The following RHOBTB2 variants were observed in gnomAD, a reference collection of about 807,000 sequenced individuals.
RHOBTB2 encodes Rho related BTB domain containing 2.
A neutral mutation model predicts 66.5 loss-of-function variants in RHOBTB2; 39 were observed. That is an observed-to-expected ratio of 0.59 (90% CI 0.45 to 0.77). The LOEUF is 0.77. Among genes scored for constraint, RHOBTB2 ranks in the 30% least tolerant of loss-of-function variants. The pLI, the probability that RHOBTB2 is intolerant of heterozygous loss-of-function variation, is 0.00. For synonymous variants in RHOBTB2, 390 were observed against 395.0 expected, an observed-to-expected ratio of 0.99 and a Z score of 0.15; for missense variants, 755 against 999.1, an observed-to-expected ratio of 0.76 and a Z score of 3.29.
chr8:22,961,334 T>C, the RHOBTB2 span, among the ~76,000 whole-genome samples: 1 of 152,108 alleles, frequency 6.6e-6, no homozygotes, highest in Non-Finnish European at 1.5e-5. Flanking sequence ...AATCAGACCA[T>C]GTTCAAATGA....
intron 7 of RHOBTB2, among the ~76,000 whole-genome samples, chr8:23,011,178 C>T (rs1317153044): frequency 2.0e-5 from 3 of 152,282 alleles, no homozygotes; most frequent in Non-Finnish European, 4.4e-5. Context: ...TGCTTGAACC[C>T]GGGAGGTGGA....
chr8:22,972,811 G>A, the RHOBTB2 span, among the ~76,000 whole-genome samples: 6 of 152,184 alleles, frequency 3.9e-5, no homozygotes, highest in African/African-American at 1.4e-4. Context: ...CAGTTCCCCT[G>A]TTCTGTCAGG....
In RHOBTB2 at chr8:23,004,244, T is replaced by G. The variant is rs1939449200; in HGVS notation, c.-10-181T>G. The G allele has an allele frequency of 4.8e-6, 3 of 621,510 alleles. No homozygotes were observed. Among genetic ancestry groups the G allele is most frequent in the Non-Finnish European group, 8.7e-6 (3 of 346,652 alleles). The allele number at this position is 621,510 out of a possible 1,614,324, so 38.5% of individuals were successfully genotyped here. On this transcript the variant is annotated intron_variant, in intron 1 of 9. Transcript: ENST00000251822. This position sits in a 1 kb window ranked among gnomAD's most constrained non-coding sequence, Gnocchi z 6.4. Reference sequence around the variant, plus strand: ...ACTGCTCCTCTCAGCCTGAATGGGCTCCTGGCCCCTTGGACCCTCGCAGAG... The same window carrying G: ...ACTGCTCCTCTCAGCCTGAATGGGCGCCTGGCCCCTTGGACCCTCGCAGAG...
At chr8:22,961,068 T>A in the RHOBTB2 span, among the ~76,000 whole-genome samples, 3 of 152,118 alleles carry the variant, frequency 2.0e-5, no homozygotes, top group Non-Finnish European at 2.9e-5. Context: ...CTAACTTTTT[T>A]AAATTAGTTT....
Position 22,994,525 on chromosome 8 carries a change from T to C in RHOBTB2, c.-23-36T>C, listed in dbSNP as rs557631370. The C allele has an allele frequency of 7.7e-5, 103 of 1,331,080 alleles. No homozygotes were observed. The African/African-American group carries it at 1.3e-3, about 16-fold the overall frequency. 82.5% of individuals were successfully genotyped at this position (1,331,080 alleles called of 1,614,324 possible). On this transcript the variant is annotated intron_variant, in intron 2 of 11. Transcript: ENST00000519685. The stretch of plus-strand genomic sequence containing the variant: ...TTCCCTTTCTCCCCTCTGTCTCCCC[T>C]GCCCCGCCCCATCCACTCCTGTTCC...
chr8:22,961,455 C>T, the RHOBTB2 span, among the ~76,000 whole-genome samples: 3 of 152,158 alleles, frequency 2.0e-5, no homozygotes, highest in African/African-American at 7.2e-5. Context: ...GTTCTCTGAA[C>T]CTCTGCTGGC....
chr8:23,000,812 G>A (rs1041210707), intron 1 of RHOBTB2, among the ~76,000 whole-genome samples: 3 of 152,158 alleles, frequency 2.0e-5, no homozygotes, highest in Non-Finnish European at 4.4e-5. Context: ...TCATTTTCAG[G>A]ATTTTCCTCC....
At chr8:22,959,734 CT>C in the RHOBTB2 span, among the ~76,000 whole-genome samples, 1 of 152,232 alleles carries the variant, frequency 6.6e-6, no homozygotes, top group South Asian at 2.1e-4. Context: ...GCTCTACCCC[CT>C]GTGGTTACCT....
At position 23,017,056 on chromosome 8, in the gene RHOBTB2, C is replaced by A. The variant is rs1015325759; in HGVS notation, c.1967-196C>A. Among the ~76,000 whole-genome samples the A allele has an allele frequency of 6.6e-6, 1 of 152,198 alleles. No individual in the cohort carries two copies. The highest frequency in any genetic ancestry group is 2.4e-5 in the African/African-American group (1 of 41,446). On this transcript the variant is annotated intron_variant, in intron 9 of 9. Coordinates refer to ENST00000251822, the MANE Select transcript of RHOBTB2 (RefSeq NM_015178.3). This position sits in a 1 kb window ranked among gnomAD's most constrained non-coding sequence, Gnocchi z 5.3. Reference sequence around the variant, plus strand: ...AAAGGAACCCAGCTGGAAAGGCCTTCCCCAGTGCTGACTTTCAGCCCTGCT... The same window carrying A: ...AAAGGAACCCAGCTGGAAAGGCCTTACCCAGTGCTGACTTTCAGCCCTGCT...
intron 2 of RHOBTB2, among the ~76,000 whole-genome samples, chr8:23,005,138 C>G (rs575462813): frequency 2.0e-5 from 3 of 152,232 alleles, no homozygotes; most frequent in Middle Eastern, 3.4e-3. Flanking sequence ...CTTCCACCTG[C>G]TTAGGGTCTC....
intron 2 of RHOBTB2, among the ~76,000 whole-genome samples, chr8:22,993,130 A>G (rs1810464731): frequency 6.6e-6 from 1 of 152,166 alleles, no homozygotes; most frequent in African/African-American, 2.4e-5. Context: ...CAAGGTGCGC[A>G]TGGGATTTAT....
Position 23,004,392 on chromosome 8 carries a change from T to G in RHOBTB2, c.-10-33T>G, listed in dbSNP as rs755005112. The G allele has an allele frequency of 6.3e-7, 1 of 1,593,640 alleles. No homozygotes were observed. The highest frequency in any genetic ancestry group is 8.6e-7 in the Non-Finnish European group (1 of 1,161,792). ...TGGCCCACGGCGAGCTGGCATGCCATGCCGTCCTGACCGCCTCCCTCCTCT... is the reference window on the plus strand; with the variant it reads ...TGGCCCACGGCGAGCTGGCATGCCAGGCCGTCCTGACCGCCTCCCTCCTCT... On this transcript the variant is annotated intron_variant, in intron 1 of 9. Coordinates refer to ENST00000251822, the MANE Select transcript of RHOBTB2 (RefSeq NM_015178.3). This position sits in a 1 kb window ranked among gnomAD's most constrained non-coding sequence, Gnocchi z 6.4.
At chr8:22,984,510 C>T (rs1810259839), upstream of RHOBTB2, 1 of 152,230 alleles carries the variant, frequency 6.6e-6, no homozygotes, top group African/African-American at 2.4e-5. Flanking sequence ...CAGAAGGAGA[C>T]ATGAGGCATA....
chr8:22,992,080 T>C (rs1468800328), exon 2 of RHOBTB2: 2 of 152,246 alleles, frequency 1.3e-5, no homozygotes, highest in Admixed American at 6.5e-5. Flanking sequence ...AACAAGAATA[T>C]GCACGCGCAG....
the RHOBTB2 span, among the ~76,000 whole-genome samples, chr8:22,975,939 A>C: frequency 6.6e-6 from 1 of 152,032 alleles, no homozygotes; most frequent in African/African-American, 2.4e-5. Flanking sequence ...TGAGGTCAGG[A>C]GTTCGGGACC....
At chr8:23,005,687 G>A (rs1375877326) in intron 3 of RHOBTB2, among the ~76,000 whole-genome samples, 1 of 152,206 alleles carries the variant, frequency 6.6e-6, no homozygotes, top group Non-Finnish European at 1.5e-5. Flanking sequence ...CCAGCTCTGT[G>A]CCTAGTAGCT....
intron 5 of RHOBTB2, 64 bp from the exon 6 acceptor site, chr8:23,007,929 T>TC: frequency 6.5e-7 from 1 of 1,534,772 alleles, no homozygotes; most frequent in Non-Finnish European, 9.0e-7. Flanking sequence ...GCTCCGTGGC[T>TC]CCCCTTGGGG....
At position 23,008,114 on chromosome 8, in the gene RHOBTB2, A is replaced by C. The variant is rs1254669020; in HGVS notation, c.1620+3A>C. The C allele has an allele frequency of 1.9e-6, 3 of 1,595,842 alleles. No individual in the cohort carries two copies. The highest frequency in any genetic ancestry group is 2.6e-6 in the Non-Finnish European group (3 of 1,167,718). On this transcript the variant is annotated splice_donor_region_variant and intron_variant, in intron 6 of 9. Coordinates refer to ENST00000251822, the MANE Select transcript of RHOBTB2 (RefSeq NM_015178.3). ...TTGTGGAGAGCTCCACCCGGGAGGT[A>C]AGGCTGAGGACACAAAGGGGGGAAG...
the RHOBTB2 span, among the ~76,000 whole-genome samples, chr8:22,951,586 G>A: frequency 6.4e-4 from 98 of 152,224 alleles, no homozygotes; most frequent in African/African-American, 2.0e-3. Flanking sequence ...CACAAAATAC[G>A]TTTTCAAGGG....
Sources: allele counts gnomAD v4.1 joint callset (sites outside exome capture counted in the v4.1 genomes callset), GRCh38; gene constraint gnomAD v4.1.1; non-coding constraint Gnocchi (gnomAD v3.1); transcripts MANE v1.5; gene names NCBI Gene and HGNC (gene_info 2026-07-23, HGNC 2026-07-21).